The following LRBA variants were observed in gnomAD, a reference collection of about 807,000 sequenced individuals.
The protein encoded by LRBA is LPS responsive beige-like anchor protein.
Under a neutral mutation model 330.0 loss-of-function variants are expected in LRBA, and 176 were observed. That is an observed-to-expected ratio of 0.53 (90% CI 0.47 to 0.60). LRBA has a LOEUF of 0.60. Among genes scored for constraint, LRBA ranks in the 20% least tolerant of loss-of-function variants. The pLI is 0.00. For synonymous variants in LRBA, 1,230 were observed against 1,193.0 expected (o/e 1.03, Z -0.64); for missense variants, 3,259 against 3,444.8 (o/e 0.95, Z 1.35).
intron 37 of LRBA, among the ~76,000 whole-genome samples, chr4:150,645,745 T>C (rs1421230381): frequency 1.3e-5 from 2 of 151,924 alleles, no homozygotes; most frequent in African/African-American, 2.4e-5. Context: ...CATTAATAAT[T>C]GACAATATTT....
intron 2 of LRBA, among the ~76,000 whole-genome samples, chr4:150,944,440 T>C (rs568674391): frequency 6.6e-6 from 1 of 152,314 alleles, no homozygotes; most frequent in African/African-American, 2.4e-5. Flanking sequence ...GAAACATAAG[T>C]AACTTCTGAA....
chr4:150,868,982 C>G (rs1290595562), intron 20 of LRBA, among the ~76,000 whole-genome samples: 1 of 152,102 alleles, frequency 6.6e-6, no homozygotes, highest in Non-Finnish European at 1.5e-5. Flanking sequence ...TAATCAAAAT[C>G]TCAGAAAAAT....
chr4:150,834,315 G>GTAATTCCTTTAT (rs1446492791), intron 28 of LRBA, among the ~76,000 whole-genome samples: 2 of 152,126 alleles, frequency 1.3e-5, no homozygotes, highest in African/African-American at 4.8e-5. Flanking sequence ...ACTATCTATA[G>GTAATTCCTTTAT]CAGCTACAGC....
At chr4:150,869,862 C>A (rs749664579) in intron 20 of LRBA, among the ~76,000 whole-genome samples, 5 of 152,086 alleles carry the variant, frequency 3.3e-5, no homozygotes, top group Non-Finnish European at 5.9e-5. Context: ...TTAGACCAGC[C>A]TGGGCAACAT....
At chr4:150,640,392 A>C (rs908442461) in intron 37 of LRBA, among the ~76,000 whole-genome samples, 1 of 152,178 alleles carries the variant, frequency 6.6e-6, no homozygotes, top group Non-Finnish European at 1.5e-5. Context: ...TATGTCTTTT[A>C]GCATAGTTAT....
At chr4:150,822,152 T>C (rs988849570) in intron 30 of LRBA, among the ~76,000 whole-genome samples, 1 of 152,122 alleles carries the variant, frequency 6.6e-6, no homozygotes, top group Non-Finnish European at 1.5e-5. Flanking sequence ...AAATGAATAC[T>C]AGACATGTTA....
chr4:150,646,360 A>C (rs1234250771), intron 37 of LRBA, among the ~76,000 whole-genome samples: 1 of 152,106 alleles, frequency 6.6e-6, no homozygotes, highest in Non-Finnish European at 1.5e-5. Context: ...TTCAGTATTG[A>C]CATGTTAAGT....
chr4:150,952,843 TC>T (rs1737000475), intron 2 of LRBA, among the ~76,000 whole-genome samples: 1 of 152,154 alleles, frequency 6.6e-6, no homozygotes, highest in Admixed American at 6.5e-5. Flanking sequence ...GGCCTTGACC[TC>T]CTCCCAGTCT....
intron 2 of LRBA, among the ~76,000 whole-genome samples, chr4:150,981,561 T>C (rs1419151410): frequency 6.6e-6 from 1 of 151,952 alleles, no homozygotes; most frequent in Non-Finnish European, 1.5e-5. Context: ...CAAAACAGCA[T>C]GGTACTAGCA....
At chr4:150,357,167 A>G (rs1283809114) in intron 47 of LRBA, among the ~76,000 whole-genome samples, 1 of 152,068 alleles carries the variant, frequency 6.6e-6, no homozygotes. Context: ...AGCCAGCAGT[A>G]CACAGTTCAT....
intron 47 of LRBA, among the ~76,000 whole-genome samples, chr4:150,359,982 A>AAAAAAAAAG (rs1280386196): frequency 1.2e-4 from 18 of 151,490 alleles, no homozygotes; most frequent in Non-Finnish European, 2.4e-4. Flanking sequence ...TCCGTCTCAA[A>AAAAAAAAAG]AAAAAAAGAA....
chr4:150,639,463 C>G (rs546835187), intron 37 of LRBA, among the ~76,000 whole-genome samples: 1 of 147,508 alleles, frequency 6.8e-6, no homozygotes, highest in East Asian at 2.0e-4. Flanking sequence ...AATGCACTTT[C>G]TACCCCACCC....
At chr4:150,515,352 C>A (rs1762225400) in intron 40 of LRBA, among the ~76,000 whole-genome samples, 1 of 152,118 alleles carries the variant, frequency 6.6e-6, no homozygotes, top group Non-Finnish European at 1.5e-5. Flanking sequence ...TGATCAAATT[C>A]AGGAACCACC....
intron 50 of LRBA, among the ~76,000 whole-genome samples, chr4:150,318,294 T>C (rs147990353): frequency 1.5e-4 from 23 of 152,240 alleles, no homozygotes; most frequent in Middle Eastern, 3.4e-3. Flanking sequence ...ATTCTAATTT[T>C]TGGAGGTTTT....
At chr4:150,557,710 T>A (rs150568942) in intron 40 of LRBA, among the ~76,000 whole-genome samples, 50 of 152,218 alleles carry the variant, frequency 3.3e-4, no homozygotes, top group African/African-American at 1.1e-3. Flanking sequence ...GGTTACAGGT[T>A]TTAGGAAGGA....
intron 2 of LRBA, among the ~76,000 whole-genome samples, chr4:150,935,091 G>T (rs371283727): frequency 1.5e-3 from 229 of 150,496 alleles, no homozygotes; most frequent in Admixed American, 3.0e-3. Context: ...CAGGAGAATC[G>T]CTTGAACCCA....
intron 16 of LRBA, among the ~76,000 whole-genome samples, chr4:150,895,747 T>G (rs1030483690): frequency 4.1e-4 from 62 of 152,184 alleles, no homozygotes; most frequent in African/African-American, 1.5e-3. Context: ...TAAACATACG[T>G]GTGCATGTGT....
chr4:150,799,807 C>T (rs577134631), intron 33 of LRBA, among the ~76,000 whole-genome samples: 5 of 152,148 alleles, frequency 3.3e-5, no homozygotes, highest in African/African-American at 2.4e-5. Flanking sequence ...TGCAATGGCA[C>T]GATCTCAGCT....
At chr4:150,727,219 G>A (rs1016923459) in intron 36 of LRBA, among the ~76,000 whole-genome samples, 3 of 151,844 alleles carry the variant, frequency 2.0e-5, no homozygotes, top group African/African-American at 7.3e-5. Flanking sequence ...GATTACAGGT[G>A]CATGCCACCA....
Sources: allele counts gnomAD v4.1 joint callset (sites outside exome capture counted in the v4.1 genomes callset), GRCh38; gene constraint gnomAD v4.1.1; transcripts MANE v1.5; gene names NCBI Gene and HGNC (gene_info 2026-07-23, HGNC 2026-07-21).